Variants in KRT39 observed in about 807,000 individuals in gnomAD.
KRT39 encodes the protein keratin 39, also known as keratin, type I cytoskeletal 39.
Under a neutral mutation model 54.8 loss-of-function variants are expected in KRT39, and 47 were observed. That is an observed-to-expected ratio of 0.86 (90% CI 0.68 to 1.09). The LOEUF (loss-of-function observed/expected upper bound fraction) is 1.09. KRT39 is among the 50% of genes least tolerant of loss of function. The pLI, the probability that KRT39 is intolerant of heterozygous loss-of-function variation, is 0.00. For synonymous variants in KRT39, 207 were observed against 227.9 expected (o/e 0.91, Z 0.83); for missense variants, 580 against 598.5 (o/e 0.97, Z 0.32).
Position 40,958,741 on chromosome 17 carries a change from C to G in KRT39, c.1336G>C (p.Glu446Gln). Residue 446 changes from glutamate to glutamine, a missense_variant, in exon 7 of 7, where the codon GAG becomes CAG. Coordinates refer to ENST00000355612, the MANE Select transcript of KRT39 (RefSeq NM_213656.4). ...CTSSSPCSLK[E>Q]HCSACGPLSR... is the part of the protein sequence containing the mutation. ...AGGGGTCCGCAGGCACTGCAGTGCT[C>G]CTTTAAGCTGCAGGGGGATGAGGAT... is the stretch of plus-strand genomic sequence containing the variant. The G allele has an allele frequency of 6.2e-7, 1 of 1,614,036 alleles. No homozygotes were observed. The highest frequency in any genetic ancestry group is 8.5e-7 in the Non-Finnish European group (1 of 1,179,996).
At chr17:40,959,369 C>T (rs1911042712) in intron 6 of KRT39, among the ~76,000 whole-genome samples, 1 of 152,198 alleles carries the variant, frequency 6.6e-6, no homozygotes, top group Non-Finnish European at 1.5e-5. Flanking sequence ...GGCCTGAACC[C>T]CAGCTATGAA....
In KRT39 at chr17:40,958,481, G is replaced by A. The variant is rs895493727; in HGVS notation, c.*120C>T. 6.3e-5 allele frequency: 69 copies of A among 1,102,834 alleles called. No individual in the cohort carries two copies. Among genetic ancestry groups the A allele is most frequent in the Admixed American group, 1.5e-4 (6 of 39,432 alleles). 68.3% of individuals were successfully genotyped at this position (1,102,834 alleles called of 1,614,324 possible). A position where few individuals can be genotyped will look rare whatever the true frequency, so the allele number is the denominator to read the frequency against. On this transcript the variant is annotated 3_prime_UTR_variant, in exon 7 of 7. Transcript: ENST00000355612. ...ATATTCTACCTAGCAATGGGGACCC[G>A]CTGTAGTAGTAAGAAACTAAGTACC...
rs749476935 is a variant in KRT39, at chr17:40,958,581, A to AT, written c.*19dup. 10 of 1,577,018 alleles carry AT rather than the reference A, an allele frequency of 6.3e-6. No individual in the cohort carries two copies. In the South Asian group the frequency reaches 1.2e-4, roughly 19 times the overall value. ...GGCCTCTGTTTCATAAATGTGGGTC[A>AT]TTTTCATCACCTTGGGATGTTAGAC... is the stretch of plus-strand genomic sequence containing the variant. On this transcript the variant is annotated 3_prime_UTR_variant, in exon 7 of 7. Transcript: ENST00000355612.
At chr17:40,964,340 C>T in intron 2 of KRT39, 106 bp downstream of exon 2, 2 of 873,504 alleles carry the variant, frequency 2.3e-6, no homozygotes, top group Admixed American at 3.7e-5. Flanking sequence ...GTGCCAACAT[C>T]ATCTGGGGCA....
rs144766744 is a variant in KRT39 at position 40,961,207 on chromosome 17, A to G, written c.997-706T>C. Among the ~76,000 whole-genome samples, 819 of 152,160 alleles carry G rather than the reference A, an allele frequency of 5.4e-3. 6 individuals are homozygous for G. The highest frequency in any genetic ancestry group is 0.019 in the African/African-American group (769 of 41,480). ...CGTGTCTTAAAAAAGGAAGGAAGCA[A>G]TGTTTTACCATATACAATTTATCCA... On this transcript the variant is annotated intron_variant, in intron 5 of 6. Transcript: ENST00000355612.
At chr17:40,960,558 G>T in intron 5 of KRT39, 57 bp from the exon 6 acceptor site, 1 of 1,296,682 alleles carries the variant, frequency 7.7e-7, no homozygotes, top group Non-Finnish European at 1.1e-6. Context: ...CAGGTCACCT[G>T]TGACCTGTAT....
rs957851521 is a variant in KRT39, at chr17:40,963,496, A to C, written c.708+131T>G. Reference sequence around the variant, plus strand: ...TGTCCTTTATAAATTACCTACTCTCAGTTATTTCTTTATAGCAGTGTGAGA... The same window carrying C: ...TGTCCTTTATAAATTACCTACTCTCCGTTATTTCTTTATAGCAGTGTGAGA... On this transcript the variant is annotated intron_variant, in intron 3 of 6. Transcript: ENST00000355612. 4 of 774,894 alleles carry C rather than the reference A, an allele frequency of 5.2e-6. No individual in the cohort carries two copies. In the African/African-American group the frequency reaches 6.9e-5, roughly 13 times the overall value. 48.0% of individuals were successfully genotyped at this position (774,894 alleles called of 1,614,324 possible). A position where few individuals can be genotyped will look rare whatever the true frequency, so the allele number is the denominator to read the frequency against.
At chr17:40,959,983 A>AT (rs991344161) in intron 6 of KRT39, among the ~76,000 whole-genome samples, 5 of 152,096 alleles carry the variant, frequency 3.3e-5, no homozygotes, top group Non-Finnish European at 7.4e-5. Context: ...TGGGGAAATA[A>AT]TTTTTTCTCT....
chr17:40,958,517 G>A lies in KRT39; in HGVS notation c.*84C>T, dbSNP rs1910993090. On this transcript the variant is annotated 3_prime_UTR_variant, in exon 7 of 7. Transcript: ENST00000355612. ...AAGAAACTAAGTACCTTAAGGGACT[G>A]GGGAGTTTTCTTAAACCTCTCTGGC... The A allele has an allele frequency of 6.8e-7, 1 of 1,465,874 alleles. No individual in the cohort carries two copies. The highest frequency in any genetic ancestry group is 2.3e-5 in the East Asian group (1 of 43,466). 90.8% of individuals were successfully genotyped at this position (1,465,874 alleles called of 1,614,324 possible).
rs976532182 is a variant in KRT39, at chr17:40,960,519, A to G, written c.997-18T>C. 1.3e-6 allele frequency: 2 copies of G among 1,593,840 alleles called. No homozygotes were observed. The highest frequency in any genetic ancestry group is 1.7e-6 in the Non-Finnish European group (2 of 1,161,722). Reference sequence around the variant, plus strand: ...GAATCTCTCTACCATGGAGAAGGATAGTAGGATTTATAATGACTCCTTTAA... The same window carrying G: ...GAATCTCTCTACCATGGAGAAGGATGGTAGGATTTATAATGACTCCTTTAA... On this transcript the variant is annotated intron_variant, in intron 5 of 6. Transcript: ENST00000355612.
At position 40,958,820 on chromosome 17, in the gene KRT39, G is replaced by A; in HGVS notation, c.1257C>T (p.Ser419=). The change falls in exon 7 of 7, where the codon TCC becomes TCT. Residue 419 remains serine, a synonymous_variant. Transcript: ENST00000355612. ...CTCCGGACTTACAAGATGTCCAAGGGGAAGGCTCACATTTGGTGGCACGTG... is the reference window on the plus strand; with the variant it reads ...CTCCGGACTTACAAGATGTCCAAGGAGAAGGCTCACATTTGGTGGCACGTG... ...CYPRATKCEP[S]PWTSCKSGAI... is the part of the protein sequence containing the mutation. 1 of 1,611,818 alleles carries A rather than the reference G, an allele frequency of 6.2e-7. No homozygotes were observed. Among genetic ancestry groups the A allele is most frequent in the Non-Finnish European group, 8.5e-7 (1 of 1,178,976 alleles).
At chr17:40,959,006 G>C (rs1281121679) in intron 6 of KRT39, 147 bp from the exon 7 acceptor site, 1 of 703,208 alleles carries the variant, frequency 1.4e-6, no homozygotes, top group Non-Finnish European at 2.3e-6. Context: ...TTGTACTGTA[G>C]TTACTGGAAG....
Position 40,962,579 on chromosome 17 carries a change from G to T in KRT39, c.709-16C>A. ...AATTGATTTCCTAAGGAAAGAAAAA[G>T]ACTGTGAAGTCACTTGGTGAACAGA... On this transcript the variant is annotated splice_polypyrimidine_tract_variant and intron_variant, in intron 3 of 6. Transcript: ENST00000355612. 6.2e-7 allele frequency: 1 copy of T among 1,607,240 alleles called. No homozygotes were observed. Among genetic ancestry groups the T allele is most frequent in the Non-Finnish European group, 8.5e-7 (1 of 1,177,364 alleles).
intron 2 of KRT39, 138 bp from the exon 3 acceptor site, chr17:40,963,921 T>C: frequency 1.7e-6 from 1 of 580,950 alleles, no homozygotes; most frequent in Non-Finnish European, 2.9e-6. Context: ...TCTTTGGAGG[T>C]GAAACCATTT....
At chr17:40,958,998 G>T in intron 6 of KRT39, 139 bp from the exon 7 acceptor site, 1 of 749,448 alleles carries the variant, frequency 1.3e-6, no homozygotes, top group Non-Finnish European at 2.1e-6. Flanking sequence ...CATTTATTTT[G>T]TACTGTAGTT....
chr17:40,960,074 C>T (rs957197802), intron 6 of KRT39, among the ~76,000 whole-genome samples: 4 of 152,172 alleles, frequency 2.6e-5, no homozygotes, highest in African/African-American at 7.2e-5. Context: ...CAGCTCAGGT[C>T]AGCCAATGCC....
At chr17:40,963,392 G>T (rs887135788) in intron 3 of KRT39, among the ~76,000 whole-genome samples, 2 of 152,104 alleles carry the variant, frequency 1.3e-5, no homozygotes, top group African/African-American at 4.8e-5. Context: ...AGTGAGATGT[G>T]CCTGCTTCCC....
At chr17:40,962,983 A>G (rs555487748) in intron 3 of KRT39, among the ~76,000 whole-genome samples, 34 of 152,298 alleles carry the variant, frequency 2.2e-4, no homozygotes, top group African/African-American at 8.2e-4. Flanking sequence ...GCCTACAAAC[A>G]TGGGAAGACT....
At position 40,964,485 on chromosome 17, in the gene KRT39, A is replaced by G. The variant is rs200816542; in HGVS notation, c.512T>C (p.Ile171Thr). The part of the protein sequence containing the change: ...KAENSRLVSQ[I>T]DNTKLTADDL... ...ATCTGCAGTCAGTTTGGTGTTGTCAATTTGCGAGACCAGTCTGGAATTCTC... is the reference window on the plus strand; with the variant it reads ...ATCTGCAGTCAGTTTGGTGTTGTCAGTTTGCGAGACCAGTCTGGAATTCTC... Residue 171 changes from isoleucine to threonine, a missense_variant, in exon 2 of 7, where the codon ATT becomes ACT. Coordinates refer to ENST00000355612, the MANE Select transcript of KRT39 (RefSeq NM_213656.4). 3.7e-6 allele frequency: 6 copies of G among 1,614,138 alleles called. No individual in the cohort carries two copies. Among genetic ancestry groups the G allele is most frequent in the Non-Finnish European group, 5.1e-6 (6 of 1,180,010 alleles).
Sources: allele counts gnomAD v4.1 joint callset (sites outside exome capture counted in the v4.1 genomes callset), GRCh38; gene constraint gnomAD v4.1.1; transcripts MANE v1.5; gene names NCBI Gene and HGNC (gene_info 2026-07-23, HGNC 2026-07-21).